The following PCCB variants were observed in gnomAD, a reference collection of about 807,000 sequenced individuals.
PCCB encodes propionyl-CoA carboxylase beta chain, mitochondrial.
A neutral mutation model predicts 60.7 loss-of-function variants in PCCB; 43 were observed. The observed-to-expected ratio is 0.71, with a 90% CI of 0.55 to 0.91. The LOEUF (loss-of-function observed/expected upper bound fraction) is 0.91. PCCB is among the 40% of genes least tolerant of loss of function. The probability of loss-of-function intolerance (pLI) is 0.00; values close to 1 mark genes in which losing one functional copy is unlikely to be tolerated. For synonymous variants in PCCB, 276 were observed against 255.9 expected, an observed-to-expected ratio of 1.08 and a Z score of -0.75; for missense variants, 766 against 702.8, an observed-to-expected ratio of 1.09 and a Z score of -1.02.
intron 5 of PCCB, among the ~76,000 whole-genome samples, chr3:136,282,136 C>G (rs1576325289): frequency 6.6e-6 from 1 of 152,278 alleles, no homozygotes; most frequent in East Asian, 1.9e-4. Flanking sequence ...ATTTCCCAAT[C>G]TGGCACCAAC....
chr3:136,301,722 T>C (rs780974460), intron 9 of PCCB, among the ~76,000 whole-genome samples: 9 of 152,186 alleles, frequency 5.9e-5, no homozygotes, highest in South Asian at 2.1e-4. Flanking sequence ...CTGGTAACTC[T>C]AGAAGTCAGA....
At chr3:136,279,347 G>GT (rs1001313891) in intron 5 of PCCB, among the ~76,000 whole-genome samples, 1 of 152,160 alleles carries the variant, frequency 6.6e-6, no homozygotes, top group African/African-American at 2.4e-5. Context: ...ATGTGTTTTG[G>GT]TTTTTTATGC....
At chr3:136,296,978 A>C (rs962381088) in intron 7 of PCCB, among the ~76,000 whole-genome samples, 1 of 152,240 alleles carries the variant, frequency 6.6e-6, no homozygotes, top group African/African-American at 2.4e-5. Context: ...GACAATAAAC[A>C]TTGTAAATAA....
rs1026825048 is a variant in PCCB at position 136,301,221 on chromosome 3, C to T, written c.966+110C>T. 27 of 836,796 alleles carry T rather than the reference C, an allele frequency of 3.2e-5. No individual in the cohort carries two copies. The Admixed American group carries it at 4.7e-4, about 15-fold the overall frequency. The allele number at this position is 836,796 out of a possible 1,614,324, so 51.8% of individuals were successfully genotyped here. Reference sequence around the variant, plus strand: ...ACCACTTGGCCTCCATGTCAGACAGCACAGGTCGGGAATAGGGTGGGCACA... The same window carrying T: ...ACCACTTGGCCTCCATGTCAGACAGTACAGGTCGGGAATAGGGTGGGCACA... On this transcript the variant is annotated intron_variant, in intron 9 of 14. Coordinates refer to ENST00000251654, the MANE Select transcript of PCCB (RefSeq NM_000532.5).
At chr3:136,327,084 C>T (rs1036002810) in intron 11 of PCCB, 71 bp from the exon 12 acceptor site, 5 of 1,444,850 alleles carry the variant, frequency 3.5e-6, no homozygotes, top group Non-Finnish European at 4.9e-6. Flanking sequence ...TGGGAAAGAC[C>T]TCACAGCTGA....
chr3:136,279,841 T>C (rs1005445126), intron 5 of PCCB, among the ~76,000 whole-genome samples: 1 of 152,072 alleles, frequency 6.6e-6, no homozygotes, highest in Admixed American at 6.6e-5. Flanking sequence ...CTAATTTTTG[T>C]ATTTTTAGTA....
intron 6 of PCCB, among the ~76,000 whole-genome samples, chr3:136,292,336 A>G (rs1252877311): frequency 6.6e-6 from 1 of 152,174 alleles, no homozygotes; most frequent in Non-Finnish European, 1.5e-5. Context: ...CCTTTCTAGC[A>G]AGATTTCAAA....
At chr3:136,299,782 ATG>A (rs1258462833) in intron 8 of PCCB, among the ~76,000 whole-genome samples, 2 of 151,020 alleles carry the variant, frequency 1.3e-5, no homozygotes, top group African/African-American at 4.9e-5. Flanking sequence ...ATGCATGTGT[ATG>A]TATGTATATG....
chr3:136,256,752 C>G (rs1941680874), intron 3 of PCCB, 129 bp downstream of exon 3: 1 of 729,600 alleles, frequency 1.4e-6, no homozygotes. Flanking sequence ...ATTTGCTTTG[C>G]TTTTCAGTGC....
chr3:136,251,386 G>A, intron 1 of PCCB: 1 of 451,778 alleles, frequency 2.2e-6, no homozygotes, highest in Non-Finnish European at 4.5e-6. Context: ...CAACGGGAAG[G>A]TGCAGAAGTG....
At chr3:136,256,760 T>G (rs893338526) in intron 3 of PCCB, 137 bp downstream of exon 3, 8 of 721,316 alleles carry the variant, frequency 1.1e-5, no homozygotes, top group Non-Finnish European at 2.0e-5. Context: ...TGCTTTTCAG[T>G]GCGTGTTTCC....
chr3:136,292,113 T>C (rs562066567), intron 6 of PCCB, among the ~76,000 whole-genome samples: 2 of 152,348 alleles, frequency 1.3e-5, no homozygotes, highest in South Asian at 4.1e-4. Context: ...ACCTCTTTGA[T>C]GGACCTAAGA....
At chr3:136,287,046 A>T (rs1045530686) in intron 6 of PCCB, among the ~76,000 whole-genome samples, 15 of 147,020 alleles carry the variant, frequency 1.0e-4, no homozygotes, top group African/African-American at 3.5e-4. Context: ...AAAAAAAAAA[A>T]ATAATAAAAA....
intron 5 of PCCB, among the ~76,000 whole-genome samples, chr3:136,268,626 G>C (rs1315531107): frequency 1.3e-5 from 2 of 151,972 alleles, no homozygotes; most frequent in African/African-American, 4.8e-5. Context: ...AGCACACCTA[G>C]CTAATTTTTG....
intron 5 of PCCB, among the ~76,000 whole-genome samples, chr3:136,273,578 C>CTTTTTTTTTTCCTTTTTTTTTTTTTT (rs1942255085): frequency 1.7e-5 from 1 of 59,204 alleles, no homozygotes; most frequent in African/African-American, 5.7e-5. Flanking sequence ...CTTTTTCTTT[C>CTTTTTTTTTTCCTTTTTTTTTTTTTT]TTTTTTTTTT....
intron 4 of PCCB, among the ~76,000 whole-genome samples, 198 bp downstream of exon 4, chr3:136,260,733 T>G (rs549533271): frequency 6.6e-6 from 1 of 152,294 alleles, no homozygotes; most frequent in Non-Finnish European, 1.5e-5. Context: ...GCCTGAACCC[T>G]CCTGTTTTTA....
intron 9 of PCCB, among the ~76,000 whole-genome samples, chr3:136,313,475 G>C (rs1352989648): frequency 6.6e-6 from 1 of 152,106 alleles, no homozygotes; most frequent in Non-Finnish European, 1.5e-5. Context: ...CAAAGTGCAA[G>C]AGTGTCTGTA....
chr3:136,275,849 C>T (rs1560006768), intron 5 of PCCB, among the ~76,000 whole-genome samples: 1 of 152,160 alleles, frequency 6.6e-6, no homozygotes, highest in Non-Finnish European at 1.5e-5. Flanking sequence ...TGGCTCACTG[C>T]AACCTCCACT....
intron 6 of PCCB, among the ~76,000 whole-genome samples, chr3:136,287,021 ACT>A (rs1933444301): frequency 6.7e-6 from 1 of 149,610 alleles, no homozygotes; most frequent in South Asian, 2.1e-4. Flanking sequence ...GCAGAGCAAG[ACT>A]CTGTCTCGGA....
Sources: allele counts gnomAD v4.1 joint callset (sites outside exome capture counted in the v4.1 genomes callset), GRCh38; gene constraint gnomAD v4.1.1; transcripts MANE v1.5; gene names NCBI Gene and HGNC (gene_info 2026-07-23, HGNC 2026-07-21).